Variants in NUGGC observed in about 807,000 individuals in gnomAD.
NUGGC encodes nuclear GTPase, germinal center associated.
NUGGC carries 58 observed loss-of-function variants against 92.6 expected under a neutral mutation model. That is an observed-to-expected ratio of 0.63 (90% confidence interval 0.51 to 0.78). The LOEUF (loss-of-function observed/expected upper bound fraction) is 0.78, where lower values mean the gene tolerates loss of function less well. NUGGC is among the 30% of genes least tolerant of loss of function. NUGGC has a pLI of 0.00. For missense variants in NUGGC, 925 were observed against 964.6 expected (o/e 0.96, Z 0.54); for synonymous variants, 376 against 366.4 (o/e 1.03, Z -0.30).
chr8:28,059,229 T>A lies in NUGGC; in HGVS notation c.1098-953A>T, dbSNP rs558307325. On this transcript the variant is annotated intron_variant, in intron 8 of 18. Transcript: ENST00000413272. ...GAGCTCTTGTTGGAGGTGAGACGCATCCGTGACATCACATCCCGTGAGCAC... is the reference window on the plus strand; with the variant it reads ...GAGCTCTTGTTGGAGGTGAGACGCAACCGTGACATCACATCCCGTGAGCAC... 2.4e-4 allele frequency among the ~76,000 whole-genome samples: 36 copies of A among 152,226 alleles called. No individual in the cohort carries two copies. In the South Asian group the frequency reaches 7.5e-3, roughly 32 times the overall value.
chr8:28,029,227 C>T, intron 17 of NUGGC, 39 bp downstream of exon 17: 8 of 1,583,814 alleles, frequency 5.1e-6, no homozygotes, highest in Non-Finnish European at 6.0e-6. Flanking sequence ...CCCCCGGAGC[C>T]TCTCGGGGTC....
Position 28,031,286 on chromosome 8 carries a change from C to A in NUGGC, c.1865G>T (p.Gly622Val). ...TTTTTTGCAGCTATCATATTTCCAG[C>A]CACTTCTTATCCCAATTTCTGTCAT... Reference protein sequence around the residue: ...EKMTEIGIRSGWKYDSCKKNF... With the variant: ...EKMTEIGIRSVWKYDSCKKNF... Residue 622 changes from glycine to valine, a missense_variant, in exon 15 of 19, where the codon GGC becomes GTC. Transcript: ENST00000413272. The A allele has an allele frequency of 1.9e-6, 3 of 1,614,056 alleles. No individual in the cohort carries two copies. The highest frequency in any genetic ancestry group is 2.5e-6 in the Non-Finnish European group (3 of 1,179,872).
chr8:28,027,666 T>C (rs910577834), intron 17 of NUGGC, among the ~76,000 whole-genome samples: 2 of 152,232 alleles, frequency 1.3e-5, no homozygotes, highest in African/African-American at 4.8e-5. Context: ...CTGGATCTCC[T>C]ACGCTTTTTC....
intron 3 of NUGGC, 173 bp from the exon 4 acceptor site, chr8:28,069,825 T>C (rs1253877905): frequency 3.4e-6 from 2 of 592,590 alleles, no homozygotes; most frequent in South Asian, 2.1e-5. Flanking sequence ...TCACTGGAGA[T>C]AGCAATCATT....
chr8:28,058,545 C>T, intron 8 of NUGGC, among the ~76,000 whole-genome samples: 1 of 152,196 alleles, frequency 6.6e-6, no homozygotes, highest in East Asian at 1.9e-4. Flanking sequence ...GCAGCCCTCT[C>T]ACCCTGGGTT....
chr8:28,056,521 G>A (rs1810145389), intron 9 of NUGGC, among the ~76,000 whole-genome samples: 1 of 151,342 alleles, frequency 6.6e-6, no homozygotes, highest in Non-Finnish European at 1.5e-5. Flanking sequence ...GACTACATGG[G>A]TTTGAACTGC....
intron 1 of NUGGC, among the ~76,000 whole-genome samples, chr8:28,083,514 C>T (rs560794386): frequency 1.3e-5 from 2 of 152,240 alleles, no homozygotes; most frequent in East Asian, 3.9e-4. Flanking sequence ...CAGTAGAAAG[C>T]AGACGTTAGA....
At chr8:28,032,723 GAAAAAAA>G (rs61015850) in intron 14 of NUGGC, among the ~76,000 whole-genome samples, 3 of 87,826 alleles carry the variant, frequency 3.4e-5, no homozygotes, top group African/African-American at 8.6e-5. Flanking sequence ...TCCATCTCAA[GAAAAAAA>G]AAAAAAAAAA....
rs145258444 is a variant in NUGGC at position 28,051,075 on chromosome 8, C to T, written c.1207-3463G>A. ...CTGGCCTCATACGATCCTCCCACCT[C>T]GGCCTCCCAAAGTGCTGAGATTACA... On this transcript the variant is annotated intron_variant, in intron 10 of 18. Coordinates refer to ENST00000413272, the MANE Select transcript of NUGGC (RefSeq NM_001010906.2). Among the ~76,000 whole-genome samples the T allele has an allele frequency of 5.8e-3, 885 of 152,198 alleles. 11 individuals are homozygous for T. The highest frequency in any genetic ancestry group is 0.018 in the African/African-American group (759 of 41,496).
chr8:28,080,040 C>A (rs914231757), intron 1 of NUGGC, among the ~76,000 whole-genome samples: 1 of 152,188 alleles, frequency 6.6e-6, no homozygotes, highest in Admixed American at 6.5e-5. Flanking sequence ...CTCCCAGGTT[C>A]AAGCGATTCT....
chr8:28,074,888 G>A (rs1392267633), intron 1 of NUGGC, among the ~76,000 whole-genome samples: 1 of 152,124 alleles, frequency 6.6e-6, no homozygotes, highest in African/African-American at 2.4e-5. Flanking sequence ...GTAGTGAGCC[G>A]AGATGGAACC....
chr8:28,026,852 A>C, intron 18 of NUGGC, 110 bp downstream of exon 18: 1 of 756,950 alleles, frequency 1.3e-6, no homozygotes, highest in Non-Finnish European at 2.4e-6. Flanking sequence ...CTAACTTCCT[A>C]ACTTAAATTC....
chr8:28,027,439 T>C (rs1013409364), intron 17 of NUGGC, among the ~76,000 whole-genome samples: 1 of 152,198 alleles, frequency 6.6e-6, no homozygotes, highest in African/African-American at 2.4e-5. Context: ...CTCTCGTCCA[T>C]GCATCTGCTC....
chr8:28,081,219 T>G (rs994729443), intron 1 of NUGGC, among the ~76,000 whole-genome samples: 5 of 152,084 alleles, frequency 3.3e-5, no homozygotes. Context: ...CTTGGGAGAC[T>G]GAGGCAGGAG....
intron 12 of NUGGC, 85 bp downstream of exon 12, chr8:28,045,442 T>C (rs1809804756): frequency 1.5e-6 from 2 of 1,327,974 alleles, no homozygotes; most frequent in Non-Finnish European, 2.0e-6. Context: ...AAAGAAAAAA[T>C]ATCATAAGTT....
chr8:28,073,548 C>T (rs1810642828), intron 2 of NUGGC, among the ~76,000 whole-genome samples: 1 of 152,148 alleles, frequency 6.6e-6, no homozygotes, highest in Admixed American at 6.5e-5. Flanking sequence ...TGATACGCCA[C>T]TGTTTTCTGC....
intron 1 of NUGGC, 128 bp from the exon 2 acceptor site, chr8:28,074,584 C>A: frequency 1.5e-6 from 1 of 657,730 alleles, no homozygotes; most frequent in Non-Finnish European, 2.8e-6. Context: ...GAATCCCTCA[C>A]AACACCTAGT....
At chr8:28,027,623 C>T (rs10097488) in intron 17 of NUGGC, among the ~76,000 whole-genome samples, 66,752 of 151,976 alleles carry the variant, frequency 0.44, 15,425 homozygotes, top group African/African-American at 0.52. Flanking sequence ...TGTCAGGCTC[C>T]TTCCTCTAGC....
intron 11 of NUGGC, 57 bp from the exon 12 acceptor site, chr8:28,045,717 G>A: frequency 6.4e-7 from 1 of 1,565,792 alleles, no homozygotes; most frequent in Non-Finnish European, 8.6e-7. Context: ...GTGGTCAATA[G>A]AATTCATAAA....
Sources: gnomAD v4.1 joint callset for allele counts (sites outside exome capture counted in the v4.1 genomes callset) on GRCh38, gnomAD v4.1.1 for gene constraint, MANE v1.5 for transcripts, NCBI Gene and HGNC (gene_info 2026-07-23, HGNC 2026-07-21) for gene names.